Variants in DENND4C observed in about 807,000 individuals in gnomAD.
DENND4C encodes DENN domain-containing protein 4C.
A neutral mutation model predicts 203.0 loss-of-function variants in DENND4C; 108 were observed. The ratio of observed to expected loss-of-function variants is 0.53; its 90% CI spans 0.46 to 0.62. The LOEUF is 0.62. DENND4C is among the 20% of genes least tolerant of loss of function. The probability of loss-of-function intolerance (pLI) is 0.00; values close to 1 mark genes in which losing one functional copy is unlikely to be tolerated. For missense variants in DENND4C, 2,481 were observed against 2,301.2 expected (o/e 1.08, Z -1.60); for synonymous variants, 871 against 792.4 (o/e 1.10, Z -1.67).
At position 19,273,311 on chromosome 9, in the gene DENND4C, C is replaced by T. The variant is rs188830332; in HGVS notation, c.-17-2847C>T. ...ATGTTGGCCAGGCTGGTCTGGAACT[C>T]CTGACCTCAGGTGATCCACCCACCT... is the stretch of plus-strand genomic sequence containing the variant. On this transcript the variant is annotated intron_variant, in intron 1 of 32. Transcript: ENST00000434457. 1.2e-4 allele frequency among the ~76,000 whole-genome samples: 18 copies of T among 152,018 alleles called. No homozygotes were observed. In the East Asian group the frequency reaches 3.5e-3, roughly 29 times the overall value.
In DENND4C at chr9:19,352,857, G is replaced by A. The variant is rs959558457; in HGVS notation, c.4781+192G>A. ...TTTATTTAAAGTAAGATTATCAGCCGGGCTCCGTGGCTCATGCTGTAATCT... is the reference window on the plus strand; with the variant it reads ...TTTATTTAAAGTAAGATTATCAGCCAGGCTCCGTGGCTCATGCTGTAATCT... On this transcript the variant is annotated intron_variant, in intron 26 of 32. Transcript: ENST00000434457. Among the ~76,000 whole-genome samples, 11 of 152,090 alleles carry A rather than the reference G, an allele frequency of 7.2e-5. No homozygotes were observed. In the East Asian group the frequency reaches 1.9e-3, roughly 27 times the overall value.
intron 10 of DENND4C, among the ~76,000 whole-genome samples, chr9:19,307,349 G>T (rs1195819237): frequency 7.1e-6 from 1 of 140,130 alleles, no homozygotes; most frequent in East Asian, 2.1e-4. Context: ...GACCCATGTT[G>T]ACCCACTGCA....
chr9:19,305,810 G>A (rs540759497), intron 10 of DENND4C, among the ~76,000 whole-genome samples: 2 of 152,288 alleles, frequency 1.3e-5, no homozygotes, highest in South Asian at 2.1e-4. Flanking sequence ...GAAAAGTAAT[G>A]GTTAAACACT....
At chr9:19,370,327 G>A (rs1828565192) in intron 31 of DENND4C, among the ~76,000 whole-genome samples, 1 of 152,030 alleles carries the variant, frequency 6.6e-6, no homozygotes, top group African/African-American at 2.4e-5. Context: ...GGTGGTATGT[G>A]CCTGTGACCT....
intron 22 of DENND4C, among the ~76,000 whole-genome samples, chr9:19,343,635 A>G (rs1822165439): frequency 6.6e-6 from 1 of 152,258 alleles, no homozygotes; most frequent in African/African-American, 2.4e-5. Flanking sequence ...GTGGGGCTAA[A>G]GATTTTTTGA....
intron 1 of DENND4C, among the ~76,000 whole-genome samples, chr9:19,245,296 G>A (rs1824885158): frequency 6.6e-6 from 1 of 151,502 alleles, no homozygotes; most frequent in South Asian, 2.1e-4. Context: ...GTGAAACCCC[G>A]CCTCTACTAA....
chr9:19,369,095 A>T lies in DENND4C; in HGVS notation c.5525-742A>T, dbSNP rs1490815223. ...AGCCCAGGAGTTGAAGGTTACAATGATCAGCCACTGCACTCCAGCCTTGGC... is the reference window on the plus strand; with the variant it reads ...AGCCCAGGAGTTGAAGGTTACAATGTTCAGCCACTGCACTCCAGCCTTGGC... On this transcript the variant is annotated intron_variant, in intron 30 of 32. Transcript: ENST00000434457. Among the ~76,000 whole-genome samples, 3 of 151,758 alleles carry T rather than the reference A, an allele frequency of 2.0e-5. No individual in the cohort carries two copies. The East Asian group carries it at 5.8e-4, about 30-fold the overall frequency.
chr9:19,243,436 C>G (rs113064737), intron 1 of DENND4C, among the ~76,000 whole-genome samples: 1 of 152,132 alleles, frequency 6.6e-6, no homozygotes, highest in Non-Finnish European at 1.5e-5. Context: ...CAATGTCATG[C>G]AAGTATTACC....
At chr9:19,258,521 A>C (rs1487922255) in intron 1 of DENND4C, among the ~76,000 whole-genome samples, 1 of 152,234 alleles carries the variant, frequency 6.6e-6, no homozygotes, top group Non-Finnish European at 1.5e-5. Flanking sequence ...TTATGCCAGA[A>C]ATTCAGGATT....
In DENND4C at chr9:19,372,241, T is replaced by G. The variant is rs1828976033; in HGVS notation, c.*68T>G. 1 of 1,546,934 alleles carries G rather than the reference T, an allele frequency of 6.5e-7. No homozygotes were observed. Among genetic ancestry groups the G allele is most frequent in the South Asian group, 1.2e-5 (1 of 81,794 alleles). ...AGATTTCATCTGGAAACATTCAAGT[T>G]TTTTTTTCCAAATCGTAAGAACTGG... On this transcript the variant is annotated 3_prime_UTR_variant, in exon 33 of 33. Transcript: ENST00000434457.
At chr9:19,275,877 G>C (rs529192746) in intron 1 of DENND4C, among the ~76,000 whole-genome samples, 1 of 152,260 alleles carries the variant, frequency 6.6e-6, no homozygotes, top group African/African-American at 2.4e-5. Context: ...AAAGTGCTAG[G>C]ATTACAGGCA....
rs1320787193 is a variant in DENND4C at position 19,321,432 on chromosome 9, G to A, written c.1808-2930G>A. Among the ~76,000 whole-genome samples, 4 of 151,624 alleles carry A rather than the reference G, an allele frequency of 2.6e-5. No individual in the cohort carries two copies. In the East Asian group the frequency reaches 7.7e-4, roughly 29 times the overall value. On this transcript the variant is annotated intron_variant, in intron 12 of 32. Coordinates refer to ENST00000434457, the MANE Select transcript of DENND4C (RefSeq NM_001330640.2). Reference sequence around the variant, plus strand: ...TGAATGGCCATGCCCTTTATAAGAAGTAAAACAACAGAAAAAAGGGAAGGA... The same window carrying A: ...TGAATGGCCATGCCCTTTATAAGAAATAAAACAACAGAAAAAAGGGAAGGA...
At chr9:19,284,261 G>A (rs1834759205) in intron 2 of DENND4C, among the ~76,000 whole-genome samples, 1 of 152,084 alleles carries the variant, frequency 6.6e-6, no homozygotes, top group African/African-American at 2.4e-5. Flanking sequence ...AGTATATACT[G>A]GCAATCACTC....
At chr9:19,260,451 G>A (rs1829080034) in intron 1 of DENND4C, among the ~76,000 whole-genome samples, 2 of 151,720 alleles carry the variant, frequency 1.3e-5, no homozygotes, top group South Asian at 4.2e-4. Context: ...AGGCTGGAAT[G>A]GGGTGGCATG....
chr9:19,293,020 G>T (rs550213060), intron 5 of DENND4C, among the ~76,000 whole-genome samples: 4 of 152,166 alleles, frequency 2.6e-5, no homozygotes, highest in Non-Finnish European at 4.4e-5. Flanking sequence ...CCAGCATAGT[G>T]CCTGGAACAT....
intron 1 of DENND4C, among the ~76,000 whole-genome samples, chr9:19,256,720 C>G (rs1171330105): frequency 6.6e-6 from 1 of 151,628 alleles, no homozygotes; most frequent in Non-Finnish European, 1.5e-5. Context: ...GAAACCTCAT[C>G]CGAGAAAAAA....
At chr9:19,362,298 G>A (rs1014094736) in intron 30 of DENND4C, among the ~76,000 whole-genome samples, 1 of 151,876 alleles carries the variant, frequency 6.6e-6, no homozygotes, top group Non-Finnish European at 1.5e-5. Flanking sequence ...AAAACAAAGA[G>A]TTAAAGACAT....
intron 1 of DENND4C, among the ~76,000 whole-genome samples, chr9:19,238,441 C>T (rs955053758): frequency 5.6e-5 from 8 of 142,518 alleles, no homozygotes; most frequent in Admixed American, 3.5e-4. Context: ...GTTAGGTTTT[C>T]TCTTTCCTTC....
intron 1 of DENND4C, among the ~76,000 whole-genome samples, chr9:19,269,039 CTTTTTGTT>C (rs1831090842): frequency 6.6e-6 from 1 of 152,094 alleles, no homozygotes; most frequent in African/African-American, 2.4e-5. Flanking sequence ...TTCTCTCTAC[CTTTTTGTT>C]AAGGCCCATA....
Sources: allele counts gnomAD v4.1 joint callset (sites outside exome capture counted in the v4.1 genomes callset), GRCh38; gene constraint gnomAD v4.1.1; transcripts MANE v1.5; gene names NCBI Gene and HGNC (gene_info 2026-07-23, HGNC 2026-07-21).